Variants in DIP2C observed in about 807,000 individuals in gnomAD.
DIP2C encodes DIP2 acetate--CoA ligase C (putative).
Under a neutral mutation model 192.4 loss-of-function variants are expected in DIP2C, and 33 were observed. The observed-to-expected ratio is 0.17, with a 90% CI of 0.13 to 0.23. The LOEUF is 0.23. DIP2C is among the 10% of genes least tolerant of loss of function. The pLI, the probability that DIP2C is intolerant of heterozygous loss-of-function variation, is 1.00. For synonymous variants in DIP2C, 979 were observed against 864.1 expected (o/e 1.13, Z -2.33); for missense variants, 1,537 against 2,110.1 (o/e 0.73, Z 5.32).
intron 1 of DIP2C, chr10:665,305 C>A (rs1442486430): frequency 6.6e-6 from 1 of 151,996 alleles, no homozygotes; most frequent in Non-Finnish European, 1.5e-5. Flanking sequence ...CAGCTAAATT[C>A]TAACACTAAT....
At chr10:453,728 G>T (rs1048731278) in intron 3 of DIP2C, among the ~76,000 whole-genome samples, 1 of 152,222 alleles carries the variant, frequency 6.6e-6, no homozygotes, top group Non-Finnish European at 1.5e-5. Context: ...ATGAGGGAAT[G>T]TAACAGGTAC....
At chr10:500,701 G>A (rs1436799346) in intron 1 of DIP2C, among the ~76,000 whole-genome samples, 17 of 152,194 alleles carry the variant, frequency 1.1e-4, no homozygotes, top group Non-Finnish European at 4.4e-5. Flanking sequence ...TTTAAAAGCT[G>A]GAAATACAGG....
intron 1 of DIP2C, among the ~76,000 whole-genome samples, chr10:516,876 C>T (rs1275555562): frequency 9.4e-6 from 1 of 106,650 alleles, no homozygotes; most frequent in African/African-American, 3.7e-5. Context: ...CAGGTGCCTG[C>T]TGTGCATGGA....
intron 1 of DIP2C, among the ~76,000 whole-genome samples, chr10:647,022 G>A (rs886124765): frequency 6.6e-6 from 1 of 152,264 alleles, no homozygotes; most frequent in Non-Finnish European, 1.5e-5. Flanking sequence ...GAGGGAAACT[G>A]AGTCCATGTC....
intron 9 of DIP2C, among the ~76,000 whole-genome samples, chr10:405,182 C>T (rs1964713251): frequency 6.6e-6 from 1 of 152,210 alleles, no homozygotes; most frequent in African/African-American, 2.4e-5. Flanking sequence ...GGAGAGGATG[C>T]GTGTCATCCC....
At chr10:494,076 A>G (rs1465367109) in intron 1 of DIP2C, among the ~76,000 whole-genome samples, 1 of 152,208 alleles carries the variant, frequency 6.6e-6, no homozygotes, top group Non-Finnish European at 1.5e-5. Context: ...CCCCGAGGTG[A>G]GTGGCAGAGT....
At chr10:605,517 G>C (rs1286035014) in intron 1 of DIP2C, among the ~76,000 whole-genome samples, 1 of 152,204 alleles carries the variant, frequency 6.6e-6, no homozygotes, top group Non-Finnish European at 1.5e-5. Context: ...ACACAAGACT[G>C]TGCTGGAGAA....
chr10:387,956 C>G, intron 13 of DIP2C, 147 bp from the exon 14 acceptor site: 1 of 926,282 alleles, frequency 1.1e-6, no homozygotes, highest in African/African-American at 1.6e-5. Flanking sequence ...ATTCTGTAGA[C>G]TCCAAGTAGG....
At chr10:638,450 G>A (rs1292834502) in intron 1 of DIP2C, among the ~76,000 whole-genome samples, 1 of 152,174 alleles carries the variant, frequency 6.6e-6, no homozygotes, top group Non-Finnish European at 1.5e-5. Flanking sequence ...CACTCTAACA[G>A]GAAACCAAAA....
intron 1 of DIP2C, among the ~76,000 whole-genome samples, chr10:595,146 G>A (rs532232102): frequency 7.2e-5 from 11 of 152,288 alleles, no homozygotes; most frequent in South Asian, 2.1e-4. Context: ...AAGGCGAGGC[G>A]CAGGGCCCAC....
chr10:521,838 C>T (rs914242219), intron 1 of DIP2C, among the ~76,000 whole-genome samples: 14 of 152,110 alleles, frequency 9.2e-5, no homozygotes, highest in South Asian at 2.1e-4. Flanking sequence ...AGAGTCCTCA[C>T]GTATCTCCTT....
chr10:477,923 AAG>A lies in DIP2C; in HGVS notation c.158-5376_158-5375del, dbSNP rs202111398. 4.8e-3 allele frequency among the ~76,000 whole-genome samples: 568 copies of A among 117,962 alleles called. 4 individuals carry two copies. The highest frequency in any genetic ancestry group is 0.019 in the Middle Eastern group (5 of 264). 77.4% of individuals were successfully genotyped at this position (117,962 alleles called of 152,430 possible). A position where few individuals can be genotyped will look rare whatever the true frequency, so the allele number is the denominator to read the frequency against. On this transcript the variant is annotated intron_variant, in intron 2 of 36. Transcript: ENST00000280886. The stretch of plus-strand genomic sequence containing the variant: ...AAGAGAGGGAAAGAAAAGACAGGAA[AAG>A]AGAGGGAAAGAAGGAAGGAAAAGAA...
chr10:461,209 T>A (rs955074496), intron 3 of DIP2C, among the ~76,000 whole-genome samples: 1 of 152,156 alleles, frequency 6.6e-6, no homozygotes, highest in African/African-American at 2.4e-5. Context: ...AATATTAACC[T>A]TAAATGTAAA....
chr10:507,156 G>A (rs907138238), intron 1 of DIP2C, among the ~76,000 whole-genome samples: 17 of 151,194 alleles, frequency 1.1e-4, no homozygotes, highest in Admixed American at 5.3e-4. Flanking sequence ...AGAGCCATGC[G>A]ACGTTACAGA....
At chr10:463,738 A>T (rs1238422677) in intron 3 of DIP2C, among the ~76,000 whole-genome samples, 1 of 152,212 alleles carries the variant, frequency 6.6e-6, no homozygotes, top group Non-Finnish European at 1.5e-5. Context: ...ACCTGACTTC[A>T]AACTATAGAC....
intron 7 of DIP2C, 31 bp downstream of exon 7, chr10:415,738 G>A: frequency 6.2e-7 from 1 of 1,612,238 alleles, no homozygotes; most frequent in South Asian, 1.1e-5. Flanking sequence ...AGGAGCATCT[G>A]GAAGAAACGT....
chr10:447,567 A>ACC (rs1271951318), intron 3 of DIP2C, among the ~76,000 whole-genome samples: 3 of 108,098 alleles, frequency 2.8e-5, no homozygotes, highest in African/African-American at 3.9e-5. Context: ...GGACCCACTC[A>ACC]CCCGTCGATA....
At chr10:558,561 C>T (rs965353070) in intron 1 of DIP2C, among the ~76,000 whole-genome samples, 2 of 152,090 alleles carry the variant, frequency 1.3e-5, no homozygotes, top group Admixed American at 1.3e-4. Context: ...CCCAGTCACA[C>T]AACCACCCTG....
chr10:347,728 C>A (rs1358403695), intron 26 of DIP2C, among the ~76,000 whole-genome samples: 1 of 135,794 alleles, frequency 7.4e-6, no homozygotes, highest in Non-Finnish European at 1.5e-5. Context: ...CCAGACACAT[C>A]GCGCATAGTT....
Sources: gnomAD v4.1 joint callset for allele counts (sites outside exome capture counted in the v4.1 genomes callset) on GRCh38, gnomAD v4.1.1 for gene constraint, MANE v1.5 for transcripts, NCBI Gene and HGNC (gene_info 2026-07-23, HGNC 2026-07-21) for gene names.